The following ZNF148 variants were observed in gnomAD, a reference collection of about 807,000 sequenced individuals.
The protein encoded by ZNF148 is zinc finger protein 148, also known as Beta-Enolase Repressor Factor-1.
Under a neutral mutation model 67.7 loss-of-function variants are expected in ZNF148, and 7 were observed. That is an observed-to-expected ratio of 0.10 (90% CI 0.06 to 0.19). The LOEUF (loss-of-function observed/expected upper bound fraction) is 0.19, where lower values mean the gene tolerates loss of function less well. ZNF148 is among the 10% of genes least tolerant of loss of function. ZNF148 has a pLI of 1.00. For synonymous variants in ZNF148, 333 were observed against 330.7 expected (o/e 1.01, Z -0.08); for missense variants, 583 against 947.1 (o/e 0.62, Z 5.05).
At chr3:125,318,424 G>T (rs1431769908) in intron 3 of ZNF148, among the ~76,000 whole-genome samples, 3 of 152,056 alleles carry the variant, frequency 2.0e-5, no homozygotes, top group African/African-American at 7.2e-5. Context: ...CAGGGGCTAG[G>T]GATACTACAC....
In ZNF148 at chr3:125,254,792, A is replaced by G. The variant is rs143284939; in HGVS notation, c.668-20463T>C. Among the ~76,000 whole-genome samples, 76 of 152,228 alleles carry G rather than the reference A, an allele frequency of 5.0e-4. No homozygotes were observed. The East Asian group carries it at 0.012, about 24-fold the overall frequency. ...TGCCATACGGTTCTGTTTTGATATG[A>G]ATCTAACTCTTTACATGAAAGTATT... On this transcript the variant is annotated intron_variant, in intron 7 of 8. Coordinates refer to ENST00000360647, the MANE Select transcript of ZNF148 (RefSeq NM_021964.3).
At chr3:125,256,378 A>G (rs2107560515) in intron 7 of ZNF148, among the ~76,000 whole-genome samples, 1 of 151,784 alleles carries the variant, frequency 6.6e-6, no homozygotes, top group East Asian at 1.9e-4. Context: ...CCAAAAAAAA[A>G]AAAAAAATTA....
intron 7 of ZNF148, among the ~76,000 whole-genome samples, chr3:125,245,720 C>A (rs975567293): frequency 1.3e-5 from 2 of 152,206 alleles, no homozygotes; most frequent in African/African-American, 4.8e-5. Context: ...ACTGTCATCA[C>A]CCAAAGGTCA....
At chr3:125,282,091 G>C (rs1300318311) in intron 5 of ZNF148, among the ~76,000 whole-genome samples, 1 of 152,132 alleles carries the variant, frequency 6.6e-6, no homozygotes. Flanking sequence ...GTTGCTAAAA[G>C]CAATACTTTA....
At position 125,227,651 on chromosome 3, in the gene ZNF148, G is replaced by C. The variant is rs943280132; in HGVS notation, c.*4690C>G. 6.6e-6 allele frequency: 1 copy of C among 152,544 alleles called. No homozygotes were observed. The highest frequency in any genetic ancestry group is 2.4e-5 in the African/African-American group (1 of 41,438). The allele number at this position is 152,544 out of a possible 1,614,324, so 9.4% of individuals were successfully genotyped here. ...AGTAAGACTACACAGATAAAATCCA[G>C]TATAATTCAAATCCAACAATGAAAA... On this transcript the variant is annotated 3_prime_UTR_variant, in exon 9 of 9. Coordinates refer to ENST00000360647, the MANE Select transcript of ZNF148 (RefSeq NM_021964.3).
chr3:125,349,715 C>T (rs1343910304), intron 1 of ZNF148, among the ~76,000 whole-genome samples: 1 of 152,206 alleles, frequency 6.6e-6, no homozygotes, highest in Non-Finnish European at 1.5e-5. Flanking sequence ...GTGGTTTACA[C>T]CTGTAATCCC....
intron 4 of ZNF148, among the ~76,000 whole-genome samples, chr3:125,300,753 A>C (rs1221497926): frequency 6.6e-6 from 1 of 150,784 alleles, no homozygotes; most frequent in Non-Finnish European, 1.5e-5. Flanking sequence ...TTTTCACTCA[A>C]GTGATACAAA....
At chr3:125,336,730 G>A (rs994920239) in intron 1 of ZNF148, among the ~76,000 whole-genome samples, 2 of 124,800 alleles carry the variant, frequency 1.6e-5, no homozygotes, top group African/African-American at 6.4e-5. Context: ...AGGCTGGAGT[G>A]CGGTGGTACA....
chr3:125,333,426 C>T (rs1941368985), intron 1 of ZNF148, among the ~76,000 whole-genome samples: 1 of 152,184 alleles, frequency 6.6e-6, no homozygotes, highest in African/African-American at 2.4e-5. Context: ...CCCAAGTCAC[C>T]TGTCACATAG....
chr3:125,345,175 T>C (rs1353016245), intron 1 of ZNF148, among the ~76,000 whole-genome samples: 1 of 151,954 alleles, frequency 6.6e-6, no homozygotes, highest in East Asian at 1.9e-4. Flanking sequence ...CTCAAAAAAC[T>C]TAAAAGAACT....
intron 1 of ZNF148, among the ~76,000 whole-genome samples, chr3:125,372,596 G>T (rs1042902325): frequency 3.3e-5 from 5 of 152,234 alleles, no homozygotes; most frequent in Admixed American, 1.3e-4. Flanking sequence ...AGCAGCCTCA[G>T]TAAAGTGGAA....
intron 4 of ZNF148, among the ~76,000 whole-genome samples, chr3:125,296,788 T>C (rs1043631582): frequency 1.3e-5 from 2 of 152,172 alleles, no homozygotes; most frequent in Non-Finnish European, 2.9e-5. Context: ...TATGGCATTA[T>C]ACAAATATTA....
intron 7 of ZNF148, among the ~76,000 whole-genome samples, chr3:125,275,864 C>T (rs1938032369): frequency 6.6e-6 from 1 of 152,174 alleles, no homozygotes; most frequent in East Asian, 1.9e-4. Context: ...CACCCACACA[C>T]ATATATTCTT....
intron 7 of ZNF148, among the ~76,000 whole-genome samples, chr3:125,245,950 T>C (rs868119472): frequency 3.9e-5 from 6 of 152,230 alleles, no homozygotes; most frequent in Non-Finnish European, 8.8e-5. Context: ...TTCTTGTGTC[T>C]GACCTGTCTT....
intron 7 of ZNF148, among the ~76,000 whole-genome samples, chr3:125,250,127 T>C (rs1218213986): frequency 6.6e-6 from 1 of 152,182 alleles, no homozygotes; most frequent in African/African-American, 2.4e-5. Context: ...TTTGTAAACA[T>C]GGAATTGTTG....
chr3:125,359,294 G>C (rs538446405), intron 1 of ZNF148, among the ~76,000 whole-genome samples: 2 of 152,318 alleles, frequency 1.3e-5, no homozygotes, highest in Admixed American at 6.5e-5. Flanking sequence ...CTAAATCCTG[G>C]AACTAATCCT....
intron 3 of ZNF148, among the ~76,000 whole-genome samples, chr3:125,315,431 G>A (rs535192712): frequency 7.9e-5 from 12 of 151,978 alleles, no homozygotes; most frequent in African/African-American, 2.7e-4. Flanking sequence ...AACATTGGCC[G>A]GGTGCAGTGG....
At chr3:125,269,399 A>G (rs1937619143) in intron 7 of ZNF148, among the ~76,000 whole-genome samples, 1 of 151,222 alleles carries the variant, frequency 6.6e-6, no homozygotes, top group African/African-American at 2.4e-5. Context: ...AATGAACACC[A>G]CAATGAGATA....
chr3:125,312,457 C>T (rs1158027768), intron 4 of ZNF148, among the ~76,000 whole-genome samples: 1 of 152,180 alleles, frequency 6.6e-6, no homozygotes, highest in East Asian at 1.9e-4. Context: ...AACTCCTGTC[C>T]TTATGGAGTC....
Sources: gnomAD v4.1 joint callset for allele counts (sites outside exome capture counted in the v4.1 genomes callset) on GRCh38, gnomAD v4.1.1 for gene constraint, MANE v1.5 for transcripts, NCBI Gene and HGNC (gene_info 2026-07-23, HGNC 2026-07-21) for gene names.